MAGI2: variants seen among roughly 807,000 people sequenced by gnomAD.
MAGI2 encodes membrane-associated guanylate kinase, WW and PDZ domain-containing protein 2.
A neutral mutation model predicts 133.3 loss-of-function variants in MAGI2; 35 were observed. That is an observed-to-expected ratio of 0.26 (90% confidence interval 0.20 to 0.35). The LOEUF (loss-of-function observed/expected upper bound fraction) is 0.35. Ranked by LOEUF, MAGI2 falls within the 10% of genes least tolerant of loss-of-function variation. MAGI2 has a pLI of 1.00. For missense variants in MAGI2, 1,636 were observed against 1,863.4 expected (o/e 0.88, Z 2.25); for synonymous variants, 729 against 710.6 (o/e 1.03, Z -0.41).
At chr7:78,478,546 G>T (rs748637038) in intron 6 of MAGI2, among the ~76,000 whole-genome samples, 28 of 151,890 alleles carry the variant, frequency 1.8e-4, no homozygotes, top group African/African-American at 6.8e-4. Flanking sequence ...ATAATGTTAC[G>T]TGAGAATATT....
chr7:78,792,254 G>A (rs1034543751), intron 2 of MAGI2, among the ~76,000 whole-genome samples: 6 of 152,126 alleles, frequency 3.9e-5, no homozygotes, highest in Admixed American at 6.5e-5. Context: ...GACACGTAAA[G>A]CCTTTACACA....
chr7:78,928,191 T>C (rs1799856396), intron 2 of MAGI2, among the ~76,000 whole-genome samples: 1 of 151,990 alleles, frequency 6.6e-6, no homozygotes, highest in South Asian at 2.1e-4. Flanking sequence ...AATTAGTTCA[T>C]AAAAGTGCCT....
At chr7:79,422,442 T>G (rs1847031494) in intron 1 of MAGI2, among the ~76,000 whole-genome samples, 1 of 152,004 alleles carries the variant, frequency 6.6e-6, no homozygotes, top group African/African-American at 2.4e-5. Flanking sequence ...ATCCAGGTAC[T>G]TTATGAAATT....
chr7:79,173,796 T>C (rs1306206440), intron 1 of MAGI2, among the ~76,000 whole-genome samples: 1 of 152,120 alleles, frequency 6.6e-6, no homozygotes, highest in Non-Finnish European at 1.5e-5. Flanking sequence ...ATTAAAACAT[T>C]ATAATAGTAC....
chr7:78,314,386 A>T (rs1787191763), intron 9 of MAGI2, among the ~76,000 whole-genome samples: 1 of 152,176 alleles, frequency 6.6e-6, no homozygotes, highest in Non-Finnish European at 1.5e-5. Flanking sequence ...TGGGATGAAA[A>T]AGGAAGTTTG....
At chr7:78,426,575 G>C (rs1799300084) in intron 6 of MAGI2, among the ~76,000 whole-genome samples, 1 of 151,792 alleles carries the variant, frequency 6.6e-6, no homozygotes, top group Non-Finnish European at 1.5e-5. Context: ...CCTGCACATT[G>C]TGCACATGTA....
intron 20 of MAGI2, among the ~76,000 whole-genome samples, chr7:78,093,716 T>C (rs1467675820): frequency 1.3e-5 from 2 of 152,246 alleles, no homozygotes; most frequent in African/African-American, 4.8e-5. Context: ...ACTTAAATTA[T>C]TTTTAGTTCT....
chr7:78,678,700 C>T (rs1326306432), intron 2 of MAGI2, among the ~76,000 whole-genome samples: 1 of 152,066 alleles, frequency 6.6e-6, no homozygotes, highest in Non-Finnish European at 1.5e-5. Context: ...CAGTCCTTAT[C>T]AATATAAAGT....
chr7:78,401,555 T>C (rs761440863), intron 6 of MAGI2, among the ~76,000 whole-genome samples: 2 of 152,144 alleles, frequency 1.3e-5, no homozygotes, highest in Non-Finnish European at 2.9e-5. Flanking sequence ...TAAGTTCTTC[T>C]ATGCTTTATT....
At chr7:78,188,630 G>T (rs183085071) in intron 12 of MAGI2, among the ~76,000 whole-genome samples, 1 of 152,066 alleles carries the variant, frequency 6.6e-6, no homozygotes, top group Non-Finnish European at 1.5e-5. Flanking sequence ...GAACATACGT[G>T]GGGGGTACTT....
intron 20 of MAGI2, among the ~76,000 whole-genome samples, chr7:78,121,302 A>G (rs1210812857): frequency 6.6e-6 from 1 of 152,038 alleles, no homozygotes; most frequent in Admixed American, 6.5e-5. Flanking sequence ...AGCATCATAA[A>G]GAAAGTGAAA....
In MAGI2 at chr7:78,449,468, T is replaced by C. The variant is rs1788491281; in HGVS notation, c.1045+40293A>G. ...AACAGAAAGGGCAAACAACAATAAA[T>C]ATAAATACGATGGAAATAAAACAAT... On this transcript the variant is annotated intron_variant, in intron 6 of 21. Transcript: ENST00000354212. Among the ~76,000 whole-genome samples the C allele has an allele frequency of 2.0e-5, 3 of 152,056 alleles. No individual in the cohort carries two copies. The South Asian group carries it at 6.2e-4, about 32-fold the overall frequency.
chr7:78,945,950 T>C (rs1801385148), intron 2 of MAGI2, among the ~76,000 whole-genome samples: 1 of 152,200 alleles, frequency 6.6e-6, no homozygotes, highest in South Asian at 2.1e-4. Flanking sequence ...CCAGCATTTA[T>C]AATGTTATCA....
intron 4 of MAGI2, among the ~76,000 whole-genome samples, chr7:78,508,659 G>T (rs1265063967): frequency 6.6e-6 from 1 of 152,152 alleles, no homozygotes; most frequent in East Asian, 1.9e-4. Flanking sequence ...AAATGTGCAT[G>T]TAAGCATGCT....
chr7:78,669,309 T>A (rs1274271550), intron 2 of MAGI2, among the ~76,000 whole-genome samples: 2 of 151,802 alleles, frequency 1.3e-5, no homozygotes, highest in Admixed American at 6.6e-5. Flanking sequence ...GCAAATAAAC[T>A]AGAAAATCTA....
intron 6 of MAGI2, among the ~76,000 whole-genome samples, chr7:78,476,674 T>C (rs563484041): frequency 1.2e-4 from 18 of 152,106 alleles, no homozygotes; most frequent in Middle Eastern, 3.4e-3. Flanking sequence ...CAACTTTATG[T>C]TCAAGGAGTT....
At chr7:79,310,948 G>GCA (rs34744101) in intron 1 of MAGI2, among the ~76,000 whole-genome samples, 29 of 149,972 alleles carry the variant, frequency 1.9e-4, no homozygotes, top group East Asian at 4.0e-4. Context: ...ACACACACAT[G>GCA]CACACACACA....
At chr7:79,352,326 G>A (rs1841745614) in intron 1 of MAGI2, among the ~76,000 whole-genome samples, 1 of 152,186 alleles carries the variant, frequency 6.6e-6, no homozygotes, top group Non-Finnish European at 1.5e-5. Flanking sequence ...TTTTGGAAAT[G>A]GTGGTCAACC....
chr7:78,446,093 AT>A (rs74978868), intron 6 of MAGI2, among the ~76,000 whole-genome samples: 109,420 of 150,010 alleles, frequency 0.73, 41,121 homozygotes, highest in East Asian at 0.86. Flanking sequence ...CTTTTTAAAG[AT>A]TTTTTTTTAA....
Sources: allele counts gnomAD v4.1 joint callset (sites outside exome capture counted in the v4.1 genomes callset), GRCh38; gene constraint gnomAD v4.1.1; transcripts MANE v1.5; gene names NCBI Gene and HGNC (gene_info 2026-07-23, HGNC 2026-07-21).